Variants in SNX3 observed in about 807,000 individuals in gnomAD.
SNX3 encodes sorting nexin 3.
Under a neutral mutation model 17.7 loss-of-function variants are expected in SNX3, and 5 were observed. The ratio of observed to expected loss-of-function variants is 0.28; its 90% CI spans 0.15 to 0.59. The LOEUF is 0.59. Among genes scored for constraint, SNX3 ranks in the 20% least tolerant of loss-of-function variants. The pLI is 0.88. For synonymous variants in SNX3, 91 were observed against 76.5 expected, an observed-to-expected ratio of 1.19 and a Z score of -0.99; for missense variants, 132 against 206.8, an observed-to-expected ratio of 0.64 and a Z score of 2.22.
intron 2 of SNX3, 120 bp downstream of exon 2, chr6:108,222,830 T>C (rs1021666487): frequency 1.3e-5 from 9 of 701,412 alleles, no homozygotes; most frequent in South Asian, 5.0e-5. Flanking sequence ...ACTGAACTAT[T>C]TGAAAAAAAG....
chr6:108,245,683 G>C (rs959954929), intron 1 of SNX3, among the ~76,000 whole-genome samples: 1 of 152,150 alleles, frequency 6.6e-6, no homozygotes, highest in Non-Finnish European at 1.5e-5. Context: ...TTGTAGTTTT[G>C]ATTTGCATCT....
chr6:108,219,051 T>C (rs1341397933), intron 2 of SNX3, among the ~76,000 whole-genome samples: 1 of 152,232 alleles, frequency 6.6e-6, no homozygotes, highest in Non-Finnish European at 1.5e-5. Context: ...TCAATAAAGC[T>C]GTTACTAAAA....
chr6:108,239,068 T>G (rs1562432612), intron 1 of SNX3, among the ~76,000 whole-genome samples: 1 of 152,006 alleles, frequency 6.6e-6, no homozygotes, highest in Admixed American at 6.6e-5. Flanking sequence ...ACCCAGCTAA[T>G]TTTTTTGTAT....
chr6:108,222,409 T>G lies in SNX3; in HGVS notation c.258+541A>C. 2.4e-6 allele frequency: 3 copies of G among 1,225,372 alleles called. No homozygotes were observed. The South Asian group carries it at 3.9e-5, about 16-fold the overall frequency. 75.9% of individuals were successfully genotyped at this position (1,225,372 alleles called of 1,614,324 possible). A position where few individuals can be genotyped will look rare whatever the true frequency, so the allele number is the denominator to read the frequency against. On this transcript the variant is annotated intron_variant, in intron 2 of 3. Coordinates refer to ENST00000230085, the MANE Select transcript of SNX3 (RefSeq NM_003795.6). The stretch of plus-strand genomic sequence containing the variant: ...TTCTATTCTAAGAGAAGATCAGGCA[T>G]GTAACAGTGTTTTTAAATTGCCGGC...
At chr6:108,221,611 C>T (rs954779898) in intron 2 of SNX3, among the ~76,000 whole-genome samples, 5 of 124,746 alleles carry the variant, frequency 4.0e-5, no homozygotes, top group Non-Finnish European at 6.4e-5. Context: ...AGGGGCAAGA[C>T]TACAGCTCAC....
intron 1 of SNX3, among the ~76,000 whole-genome samples, chr6:108,232,293 A>C (rs1775188024): frequency 6.6e-6 from 1 of 152,216 alleles, no homozygotes; most frequent in South Asian, 2.1e-4. Context: ...AAGTATTACT[A>C]ATCACACAGG....
rs139472904 is a variant in SNX3 at position 108,219,089 on chromosome 6, C to T, written c.258+3861G>A. Among the ~76,000 whole-genome samples, 7 of 152,282 alleles carry T rather than the reference C, an allele frequency of 4.6e-5. No homozygotes were observed. The East Asian group carries it at 9.6e-4, about 21-fold the overall frequency. On this transcript the variant is annotated intron_variant, in intron 2 of 3. Coordinates refer to ENST00000230085, the MANE Select transcript of SNX3 (RefSeq NM_003795.6). ...AAAAGCGGTCGGGCGGGGTGGCTCACGCCTGTAATCCCAGCACTTCGGGAG... is the reference window on the plus strand; with the variant it reads ...AAAAGCGGTCGGGCGGGGTGGCTCATGCCTGTAATCCCAGCACTTCGGGAG...
intron 1 of SNX3, among the ~76,000 whole-genome samples, chr6:108,255,130 T>C (rs1347400166): frequency 6.6e-6 from 1 of 152,206 alleles, no homozygotes; most frequent in Non-Finnish European, 1.5e-5. Context: ...TACTTTAAAA[T>C]AGCCACTGTC....
intron 3 of SNX3, among the ~76,000 whole-genome samples, chr6:108,213,045 G>GC (rs937033497): frequency 3.3e-5 from 5 of 151,608 alleles, no homozygotes; most frequent in African/African-American, 1.2e-4. Flanking sequence ...ACACCACCAC[G>GC]CCCCACTAAT....
At chr6:108,250,090 T>C (rs891183442) in intron 1 of SNX3, among the ~76,000 whole-genome samples, 1 of 152,114 alleles carries the variant, frequency 6.6e-6, no homozygotes, top group African/African-American at 2.4e-5. Context: ...TTTGTATTTC[T>C]AGTAGAGACA....
At chr6:108,222,821 C>T (rs542458351) in intron 2 of SNX3, 129 bp downstream of exon 2, 17 of 683,346 alleles carry the variant, frequency 2.5e-5, no homozygotes, top group Non-Finnish European at 4.3e-5. Context: ...TAAAATGACA[C>T]TGAACTATTT....
intron 1 of SNX3, among the ~76,000 whole-genome samples, chr6:108,239,001 A>G (rs1775438391): frequency 6.6e-6 from 1 of 151,862 alleles, no homozygotes; most frequent in Non-Finnish European, 1.5e-5. Context: ...CCTAGGTTCA[A>G]GCGATTTTCC....
chr6:108,244,647 G>GTTTT lies in SNX3; in HGVS notation c.162+16109_162+16112dup, dbSNP rs1021781550. Among the ~76,000 whole-genome samples, 104 of 87,214 alleles carry GTTTT rather than the reference G, an allele frequency of 1.2e-3. 3 individuals are homozygous for GTTTT. Among genetic ancestry groups the GTTTT allele is most frequent in the African/African-American group, 2.7e-3 (57 of 20,782 alleles). 57.2% of individuals were successfully genotyped at this position (87,214 alleles called of 152,430 possible). On this transcript the variant is annotated intron_variant, in intron 1 of 3. Coordinates refer to ENST00000230085, the MANE Select transcript of SNX3 (RefSeq NM_003795.6). ...TAGTCTATAAGAATATAAGTAAGGA[G>GTTTT]TTTTTTTTTTTTTTTTTTTTTTTTG... is the stretch of plus-strand genomic sequence containing the variant.
chr6:108,238,261 TAGGTGTCAC>T, intron 1 of SNX3, among the ~76,000 whole-genome samples: 1 of 151,608 alleles, frequency 6.6e-6, no homozygotes, highest in African/African-American at 2.4e-5. Context: ...CCAAGCAGAG[TAGGTGTCAC>T]AGAACAGACA....
intron 1 of SNX3, among the ~76,000 whole-genome samples, chr6:108,255,649 C>A (rs530780412): frequency 1.3e-5 from 2 of 152,182 alleles, no homozygotes; most frequent in Non-Finnish European, 2.9e-5. Context: ...CCGTGCCCGA[C>A]CCCCCGATTC....
Position 108,225,618 on chromosome 6 carries a change from T to C in SNX3, c.163-2573A>G, listed in dbSNP as rs142202604. Among the ~76,000 whole-genome samples, 491 of 151,770 alleles carry C rather than the reference T, an allele frequency of 3.2e-3. 4 individuals carry two copies. The highest frequency in any genetic ancestry group is 0.011 in the African/African-American group (475 of 41,362). On this transcript the variant is annotated intron_variant, in intron 1 of 3. Transcript: ENST00000230085. ...CTGCACTCTAGCCTGAGCGACAGAG[T>C]GAGACTCTGACTCAAACAAAACAAA...
intron 1 of SNX3, among the ~76,000 whole-genome samples, chr6:108,234,940 G>C (rs986050877): frequency 3.9e-5 from 6 of 152,078 alleles, no homozygotes; most frequent in Non-Finnish European, 8.8e-5. Flanking sequence ...ATTTTCCTTA[G>C]AATAAACCCT....
chr6:108,236,832 T>G (rs567806041), intron 1 of SNX3, among the ~76,000 whole-genome samples: 1 of 152,188 alleles, frequency 6.6e-6, no homozygotes, highest in Non-Finnish European at 1.5e-5. Flanking sequence ...AATAAACTCT[T>G]CCAGTCAGAG....
In SNX3 at chr6:108,246,313, C is replaced by CTTT. The variant is rs71015538; in HGVS notation, c.162+14444_162+14446dup. On this transcript the variant is annotated intron_variant, in intron 1 of 3. Transcript: ENST00000230085. Reference sequence around the variant, plus strand: ...AATTCTTAAAAGAGCTTTGAGCATTCTTTTTTTTTTTTTTTTTTTTTTTTT... The same window carrying CTTT: ...AATTCTTAAAAGAGCTTTGAGCATTCTTTTTTTTTTTTTTTTTTTTTTTTTTTT... Among the ~76,000 whole-genome samples, 157 of 47,984 alleles carry CTTT rather than the reference C, an allele frequency of 3.3e-3. 26 individuals carry two copies. The highest frequency in any genetic ancestry group is 0.01 in the African/African-American group (114 of 11,148). 31.5% of individuals were successfully genotyped at this position (47,984 alleles called of 152,430 possible).
Sources: allele counts gnomAD v4.1 joint callset (sites outside exome capture counted in the v4.1 genomes callset), GRCh38; gene constraint gnomAD v4.1.1; transcripts MANE v1.5; gene names NCBI Gene and HGNC (gene_info 2026-07-23, HGNC 2026-07-21).